Variants in GRIP2 observed in about 807,000 individuals in gnomAD.
The protein encoded by GRIP2 is glutamate receptor interacting protein 2.
Under a neutral mutation model 108.3 loss-of-function variants are expected in GRIP2, and 58 were observed. The observed-to-expected ratio is 0.54, with a 90% CI of 0.43 to 0.67. The LOEUF (loss-of-function observed/expected upper bound fraction) is 0.67, where lower values mean the gene tolerates loss of function less well. Ranked by LOEUF, GRIP2 falls within the 30% of genes least tolerant of loss-of-function variation. The pLI, the probability that GRIP2 is intolerant of heterozygous loss-of-function variation, is 0.00. For missense variants in GRIP2, 1,278 were observed against 1,430.6 expected (o/e 0.89, Z 1.72); for synonymous variants, 586 against 598.2 (o/e 0.98, Z 0.30).
At chr3:14,563,332 A>G in the GRIP2 span, among the ~76,000 whole-genome samples, 1 of 152,178 alleles carries the variant, frequency 6.6e-6, no homozygotes, top group Non-Finnish European at 1.5e-5. Flanking sequence ...TTTCTGTGTT[A>G]TATGTGCCAT....
At chr3:14,562,562 G>A in the GRIP2 span, among the ~76,000 whole-genome samples, 41 of 152,304 alleles carry the variant, frequency 2.7e-4, no homozygotes, top group Non-Finnish European at 5.0e-4. Context: ...TCCTGTATAC[G>A]CAGTGTTTTA....
In GRIP2 at chr3:14,517,807, G is replaced by A; in HGVS notation, c.1121C>T (p.Thr374Ile). Residue 374 changes from threonine to isoleucine, a missense_variant, in exon 10 of 24, where the codon ACC becomes ATC. By Grantham distance (89) the Thr-to-Ile change is moderately conservative. Transcript: ENST00000621039. ...SPRPGHCRMP[T>I]WATPAGQDQS... ...GTCCTGGCCAGCAGGTGTGGCCCAGGTGGGCATCCTGCAGTGGCCGGGCCG... is the reference window on the plus strand; with the variant it reads ...GTCCTGGCCAGCAGGTGTGGCCCAGATGGGCATCCTGCAGTGGCCGGGCCG... 6.2e-7 allele frequency: 1 copy of A among 1,608,476 alleles called. No homozygotes were observed. The highest frequency in any genetic ancestry group is 8.5e-7 in the Non-Finnish European group (1 of 1,177,840).
chr3:14,534,352 G>T (rs919548080), intron 1 of GRIP2, among the ~76,000 whole-genome samples: 1 of 151,780 alleles, frequency 6.6e-6, no homozygotes, highest in Non-Finnish European at 1.5e-5. Context: ...AACCCCTTGG[G>T]GGGGTCAGAC....
chr3:14,518,863 G>A (rs1694329013), intron 9 of GRIP2, among the ~76,000 whole-genome samples: 1 of 152,184 alleles, frequency 6.6e-6, no homozygotes, highest in African/African-American at 2.4e-5. Context: ...CCAAGAGAGT[G>A]GCCACCTCCT....
In GRIP2 at chr3:14,522,074, T is replaced by G; in HGVS notation, c.567-287A>C. 2.4e-6 allele frequency: 1 copy of G among 411,370 alleles called. No homozygotes were observed. The highest frequency in any genetic ancestry group is 4.3e-6 in the Non-Finnish European group (1 of 231,402). 25.5% of individuals were successfully genotyped at this position (411,370 alleles called of 1,614,324 possible). A position where few individuals can be genotyped will look rare whatever the true frequency, so the allele number is the denominator to read the frequency against. On this transcript the variant is annotated intron_variant, in intron 6 of 23. Coordinates refer to ENST00000621039, the MANE Select transcript of GRIP2 (RefSeq NM_001080423.4). The surrounding 1 kb of genome is among the most constrained non-coding windows in gnomAD (Gnocchi z 4.3). ...AATTCACAGACTCAGTGCAGAACCCTGAAATGTCTGAGCTGGGGGTGCTCT... is the reference window on the plus strand; with the variant it reads ...AATTCACAGACTCAGTGCAGAACCCGGAAATGTCTGAGCTGGGGGTGCTCT...
intron 1 of GRIP2, among the ~76,000 whole-genome samples, chr3:14,551,932 T>C (rs901497871): frequency 6.6e-6 from 1 of 152,036 alleles, no homozygotes; most frequent in Non-Finnish European, 1.5e-5. Context: ...AGAAAGTACA[T>C]GGGAAGTGCC....
At chr3:14,575,402 G>A in the GRIP2 span, among the ~76,000 whole-genome samples, 2 of 152,164 alleles carry the variant, frequency 1.3e-5, no homozygotes, top group Non-Finnish European at 2.9e-5. Context: ...GTGGGGTGAG[G>A]AATCCAGAAG....
Position 14,511,351 on chromosome 3 carries a change from G to T in GRIP2, c.1788-41C>A, listed in dbSNP as rs761576487. The T allele has an allele frequency of 3.1e-6, 5 of 1,613,974 alleles. No homozygotes were observed. The East Asian group carries it at 1.1e-4, about 36-fold the overall frequency. On this transcript the variant is annotated intron_variant, in intron 15 of 23. Transcript: ENST00000621039. The surrounding 1 kb of genome is among the most constrained non-coding windows in gnomAD (Gnocchi z 4.1). ...GCAGAGGGGATGGAAGGAGCCTGGT[G>T]CATGCAGGTGCCATACTCACTGCTG...
chr3:14,561,992 G>A, the GRIP2 span, among the ~76,000 whole-genome samples: 578 of 152,338 alleles, frequency 3.8e-3, 2 homozygotes, highest in Non-Finnish European at 5.6e-3. Context: ...CCAAGGCTTC[G>A]AGGTGCTAAT....
Position 14,517,193 on chromosome 3 carries a change from A to C in GRIP2, c.1177T>G (p.Ser393Ala). ...AAGGCGTGGTTCAAGGTCGGCGAGG[A>C]AAAGGGAGTTGAAGACAAGGCTGGG... ...QSRSLSSTPFSSPTLNHAFSC... is the reference protein window; with the variant it reads ...QSRSLSSTPFASPTLNHAFSC... Residue 393 changes from serine (S) to alanine (A), a missense_variant, in exon 11 of 24, where the codon TCC (serine) becomes GCC (alanine). Coordinates refer to ENST00000621039, the MANE Select transcript of GRIP2 (RefSeq NM_001080423.4). 6.3e-7 allele frequency: 1 copy of C among 1,594,808 alleles called. No homozygotes were observed. Among genetic ancestry groups the C allele is most frequent in the Non-Finnish European group, 8.5e-7 (1 of 1,171,082 alleles).
the GRIP2 span, among the ~76,000 whole-genome samples, chr3:14,598,973 T>C: frequency 1.3e-5 from 2 of 152,160 alleles, no homozygotes; most frequent in African/African-American, 4.8e-5. Context: ...GCCATCCTGC[T>C]ATAGAAGCAC....
intron 1 of GRIP2, among the ~76,000 whole-genome samples, chr3:14,551,778 G>A (rs1327040884): frequency 1.3e-5 from 2 of 152,202 alleles, no homozygotes; most frequent in African/African-American, 4.8e-5. Context: ...GGACTTGGAA[G>A]TCAGGCGGCC....
At position 14,527,247 on chromosome 3, in the gene GRIP2, A is replaced by AAAGGGG. The variant is rs1553599313; in HGVS notation, c.41-1317_41-1316insCCCCTT. Among the ~76,000 whole-genome samples, 6 of 151,040 alleles carry AAAGGGG rather than the reference A, an allele frequency of 4.0e-5. No homozygotes were observed. The East Asian group carries it at 1.2e-3, about 30-fold the overall frequency. ...AGAGAGGGGGTGAGAAAGAAGGAAG[A>AAAGGGG]AAGGGAAGGGAAGGGAAGGGAAGGT... is the stretch of plus-strand genomic sequence containing the variant. On this transcript the variant is annotated intron_variant, in intron 1 of 23. Transcript: ENST00000621039.
chr3:14,525,225 A>G lies in GRIP2; in HGVS notation c.257+212T>C, dbSNP rs184761447. ...TGGTGACTGTGGGGTGCTATGGCCA[A>G]GCCCCTGGTGTAAAAGAAAAGAGAA... On this transcript the variant is annotated intron_variant, in intron 3 of 23. Transcript: ENST00000621039. 3.2e-3 allele frequency among the ~76,000 whole-genome samples: 485 copies of G among 152,292 alleles called. 4 individuals are homozygous for G. Among genetic ancestry groups the G allele is most frequent in the African/African-American group, 0.01 (416 of 41,560 alleles).
chr3:14,514,527 C>T, intron 11 of GRIP2, 49 bp from the exon 12 acceptor site: 1 of 1,482,076 alleles, frequency 6.7e-7, no homozygotes, highest in Non-Finnish European at 9.0e-7. Context: ...CCACGGAGGT[C>T]TTCCTGCCAG....
intron 5 of GRIP2, 174 bp from the exon 6 acceptor site, chr3:14,523,249 G>A: frequency 1.7e-6 from 1 of 604,726 alleles, no homozygotes; most frequent in Non-Finnish European, 3.0e-6. Flanking sequence ...CCAAGAGATG[G>A]TGCAAGGGGT....
chr3:14,503,599 T>C lies in GRIP2; in HGVS notation c.2646A>G (p.Ser882=). 1 of 1,611,584 alleles carries C rather than the reference T, an allele frequency of 6.2e-7. No individual in the cohort carries two copies. The highest frequency in any genetic ancestry group is 1.1e-5 in the South Asian group (1 of 90,274). The change falls in exon 21 of 24, where the codon TCA becomes TCG. Residue 882 remains serine (S), a synonymous_variant. Transcript: ENST00000621039. ...MFGEALEDLE[S]CGQSELLREL... ...CCCTCAGCAGCTCTGACTGACCACATGACTCCAGGTCTTCGAGAGCTTCTC... is the reference window on the plus strand; with the variant it reads ...CCCTCAGCAGCTCTGACTGACCACACGACTCCAGGTCTTCGAGAGCTTCTC...
chr3:14,549,894 T>C (rs1695117010), intron 1 of GRIP2, among the ~76,000 whole-genome samples: 1 of 152,314 alleles, frequency 6.6e-6, no homozygotes, highest in East Asian at 1.9e-4. Context: ...CCAGATTCTG[T>C]GTCCTCATGG....
At chr3:14,557,973 G>C (rs188372909), upstream of GRIP2, among the ~76,000 whole-genome samples, 10 of 152,238 alleles carry the variant, frequency 6.6e-5, no homozygotes, top group African/African-American at 2.4e-4. Context: ...GTAGGTGCTA[G>C]ATAAATAATA....
Sources: gnomAD v4.1 joint callset for allele counts (sites outside exome capture counted in the v4.1 genomes callset) on GRCh38, gnomAD v4.1.1 for gene constraint, Gnocchi (gnomAD v3.1) non-coding constraint, MANE v1.5 for transcripts, NCBI Gene and HGNC (gene_info 2026-07-23, HGNC 2026-07-21) for gene names.